Variants in RABGEF1 observed in about 807,000 individuals in gnomAD.
RABGEF1 encodes rab5 GDP/GTP exchange factor.
RABGEF1 carries 26 observed loss-of-function variants against 57.3 expected under a neutral mutation model. The observed-to-expected ratio is 0.45, with a 90% CI of 0.33 to 0.63. The LOEUF is 0.63. RABGEF1 is among the 20% of genes least tolerant of loss of function. The pLI is 0.02. For synonymous variants in RABGEF1, 185 were observed against 210.7 expected, an observed-to-expected ratio of 0.88 and a Z score of 1.06; for missense variants, 464 against 607.6, an observed-to-expected ratio of 0.76 and a Z score of 2.48.
Position 66,751,462 on chromosome 7 carries a change from ACAT to A in RABGEF1, c.-18+10672_-18+10674del, listed in dbSNP as rs1801406699. On this transcript the variant is annotated intron_variant, in intron 1 of 8. Coordinates refer to ENST00000284957, the MANE Select transcript of RABGEF1 (RefSeq NM_014504.3). ...TGGTTTTTAGTTATCTGAATGTGAG[ACAT>A]CGTGAATACAGTAAGGGTCTGGATG... Among the ~76,000 whole-genome samples, 3 of 152,184 alleles carry A rather than the reference ACAT, an allele frequency of 2.0e-5. 1 individual carries two copies. The highest frequency in any genetic ancestry group is 7.2e-5 in the African/African-American group (3 of 41,448).
chr7:66,802,456 C>A (rs565674653), intron 7 of RABGEF1, among the ~76,000 whole-genome samples: 1 of 152,322 alleles, frequency 6.6e-6, no homozygotes, highest in South Asian at 2.1e-4. Flanking sequence ...GTTTCCTATT[C>A]ATGTGAAGGC....
At chr7:66,733,695 C>A (rs1249797804) in intron 2 of RABGEF1, among the ~76,000 whole-genome samples, 1 of 108,922 alleles carries the variant, frequency 9.2e-6, no homozygotes, top group Non-Finnish European at 2.1e-5. Flanking sequence ...GAGGCTCCAT[C>A]TCAACAAAAC....
chr7:66,752,027 T>C lies in RABGEF1; in HGVS notation c.-18+11235T>C, dbSNP rs1379121213. Among the ~76,000 whole-genome samples the C allele has an allele frequency of 2.0e-5, 3 of 151,964 alleles. No individual in the cohort carries two copies. In the East Asian group the frequency reaches 5.8e-4, roughly 29 times the overall value. ...GCCTGGGCAACAAAGACCCCATCTA[T>C]ATAAACAAACCAAAAAAAACCCGCA... On this transcript the variant is annotated intron_variant, in intron 1 of 8. Coordinates refer to ENST00000284957, the MANE Select transcript of RABGEF1 (RefSeq NM_014504.3).
intron 1 of RABGEF1, among the ~76,000 whole-genome samples, chr7:66,687,208 C>T (rs1257962386): frequency 1.3e-5 from 2 of 149,856 alleles, no homozygotes; most frequent in Non-Finnish European, 3.0e-5. Flanking sequence ...TCACTGCAAC[C>T]TCTGCCTCCC....
intron 2 of RABGEF1, among the ~76,000 whole-genome samples, chr7:66,734,788 C>T (rs571497644): frequency 3.3e-5 from 5 of 151,946 alleles, no homozygotes; most frequent in African/African-American, 4.8e-5. Flanking sequence ...TGTCATTTCT[C>T]GGTCTTCAAA....
chr7:66,654,914 A>G, the RABGEF1 span, among the ~76,000 whole-genome samples: 1 of 152,228 alleles, frequency 6.6e-6, no homozygotes, highest in Admixed American at 6.5e-5. Context: ...AAGCCCTTGA[A>G]GGCCTGACGC....
upstream of RABGEF1, among the ~76,000 whole-genome samples, chr7:66,738,782 T>G (rs1408224907): frequency 2.0e-5 from 3 of 151,762 alleles, no homozygotes; most frequent in Non-Finnish European, 2.9e-5. Context: ...GAATGGTTTA[T>G]AGAATGGTGT....
At position 66,810,358 on chromosome 7, in the gene RABGEF1, C is replaced by G. The variant is rs1275479339; in HGVS notation, c.*1074C>G. ...GAATGTTCAGCAGCATTCCTGCCAT[C>G]CATATCCATTAGGTGCCAGTAGCAC... On this transcript the variant is annotated 3_prime_UTR_variant, in exon 9 of 9. Coordinates refer to ENST00000284957, the MANE Select transcript of RABGEF1 (RefSeq NM_014504.3). 4 of 152,200 alleles carry G rather than the reference C, an allele frequency of 2.6e-5. No individual in the cohort carries two copies. The highest frequency in any genetic ancestry group is 5.9e-5 in the Non-Finnish European group (4 of 68,048). 9.4% of individuals were successfully genotyped at this position (152,200 alleles called of 1,614,324 possible). A position where few individuals can be genotyped will look rare whatever the true frequency, so the allele number is the denominator to read the frequency against.
the RABGEF1 span, among the ~76,000 whole-genome samples, chr7:66,659,216 G>C: frequency 2.6e-5 from 4 of 152,100 alleles, no homozygotes; most frequent in African/African-American, 9.7e-5. Flanking sequence ...ACTTTGGGAG[G>C]CCAAGGTGGG....
At chr7:66,682,162 A>C (rs3800822), upstream of RABGEF1, 1 of 167,466 alleles carries the variant, frequency 6.0e-6, no homozygotes, top group African/African-American at 2.4e-5. Flanking sequence ...GGACTGGGGA[A>C]CCCAGACCTG....
At chr7:66,751,291 A>G (rs1200667931) in intron 1 of RABGEF1, among the ~76,000 whole-genome samples, 1 of 152,166 alleles carries the variant, frequency 6.6e-6, no homozygotes, top group East Asian at 1.9e-4. Flanking sequence ...TCGGCCTCCC[A>G]AAGTGTTGGC....
intron 4 of RABGEF1, among the ~76,000 whole-genome samples, chr7:66,793,428 A>G (rs1389959279): frequency 6.6e-6 from 1 of 152,190 alleles, no homozygotes; most frequent in Non-Finnish European, 1.5e-5. Flanking sequence ...GGAATTTCCC[A>G]CTTGTGGTGT....
the RABGEF1 span, among the ~76,000 whole-genome samples, chr7:66,671,074 G>A: frequency 6.6e-6 from 1 of 152,022 alleles, no homozygotes; most frequent in Non-Finnish European, 1.5e-5. Flanking sequence ...GTGTTGCCCA[G>A]ACTGTCTCAA....
In RABGEF1 at chr7:66,809,166, T is replaced by C. The variant is rs1789135868; in HGVS notation, c.1358T>C (p.Val453Ala). The C allele has an allele frequency of 1.2e-6, 2 of 1,614,214 alleles. No homozygotes were observed. Among genetic ancestry groups the C allele is most frequent in the Non-Finnish European group, 1.7e-6 (2 of 1,180,038 alleles). Residue 453 changes from valine (V) to alanine (A), a missense_variant, in exon 9 of 9, where the codon GTT (valine) becomes GCT (alanine). By Grantham distance (64) the Val-to-Ala change is moderately conservative. Transcript: ENST00000284957. ...DGIAREVQDI[V>A]EKYPLEIKPP... ...ATTGCAAGAGAAGTTCAAGACATCG[T>C]TGAGAAATACCCACTGGAAATTAAG...
At chr7:66,717,676 C>T (rs1795561525) in intron 2 of RABGEF1, among the ~76,000 whole-genome samples, 2 of 152,162 alleles carry the variant, frequency 1.3e-5, no homozygotes, top group South Asian at 4.1e-4. Context: ...CTTCCCATCT[C>T]AGCCTCCCAA....
intron 2 of RABGEF1, 114 bp downstream of exon 2, chr7:66,772,192 A>T: frequency 1.2e-6 from 1 of 808,006 alleles, no homozygotes; most frequent in African/African-American, 1.8e-5. Flanking sequence ...AGTCAGTTTA[A>T]TATTAAGGAA....
At chr7:66,791,511 C>G (rs139828183) in intron 4 of RABGEF1, among the ~76,000 whole-genome samples, 1 of 152,242 alleles carries the variant, frequency 6.6e-6, no homozygotes, top group African/African-American at 2.4e-5. Flanking sequence ...GACATGAAAG[C>G]TAATACCTAA....
intron 1 of RABGEF1, among the ~76,000 whole-genome samples, chr7:66,756,466 G>A (rs943334275): frequency 1.9e-4 from 29 of 152,222 alleles, no homozygotes; most frequent in South Asian, 6.2e-4. Flanking sequence ...CAAGGTCATG[G>A]TCTGCTCATA....
At chr7:66,680,168 T>C (rs1208930986), upstream of RABGEF1, among the ~76,000 whole-genome samples, 2 of 152,244 alleles carry the variant, frequency 1.3e-5, no homozygotes, top group Admixed American at 1.3e-4. Flanking sequence ...ATAGCAATTA[T>C]CACCATGTAA....
Sources: allele counts gnomAD v4.1 joint callset (sites outside exome capture counted in the v4.1 genomes callset), GRCh38; gene constraint gnomAD v4.1.1; transcripts MANE v1.5; gene names NCBI Gene and HGNC (gene_info 2026-07-23, HGNC 2026-07-21).